Variants in TXNDC16 observed in about 807,000 individuals in gnomAD.
The protein encoded by TXNDC16 is thioredoxin domain-containing protein 16.
Under a neutral mutation model 85.6 loss-of-function variants are expected in TXNDC16, and 74 were observed. That is an observed-to-expected ratio of 0.86 (90% CI 0.72 to 1.05). The LOEUF is 1.05. TXNDC16 is among the 50% of genes least tolerant of loss of function. The pLI, the probability that TXNDC16 is intolerant of heterozygous loss-of-function variation, is 0.00. For synonymous variants in TXNDC16, 335 were observed against 326.5 expected (o/e 1.03, Z -0.28); for missense variants, 959 against 947.0 (o/e 1.01, Z -0.17).
intron 6 of TXNDC16, among the ~76,000 whole-genome samples, chr14:52,526,308 C>T (rs2037333897): frequency 6.6e-6 from 1 of 152,080 alleles, no homozygotes; most frequent in African/African-American, 2.4e-5. Flanking sequence ...ACAAAAGGTA[C>T]CAAAAAAGTT....
At chr14:52,532,163 T>C (rs2037595483) in intron 6 of TXNDC16, among the ~76,000 whole-genome samples, 2 of 152,108 alleles carry the variant, frequency 1.3e-5, no homozygotes, top group African/African-American at 2.4e-5. Context: ...GAAAAATTTT[T>C]ACAGTTTGTG....
At chr14:52,483,097 G>T in intron 12 of TXNDC16, 132 bp from the exon 13 acceptor site, 1 of 679,990 alleles carries the variant, frequency 1.5e-6, no homozygotes, top group South Asian at 3.1e-5. Context: ...TTAATAGTTA[G>T]GATGCATGAT....
At chr14:52,497,671 G>C (rs1950467000) in intron 9 of TXNDC16, among the ~76,000 whole-genome samples, 3 of 152,170 alleles carry the variant, frequency 2.0e-5, no homozygotes, top group African/African-American at 4.8e-5. Context: ...CCTGAGCTCA[G>C]GAGTTCGAGA....
chr14:52,501,202 G>A (rs1435057208), intron 9 of TXNDC16, among the ~76,000 whole-genome samples: 1 of 151,986 alleles, frequency 6.6e-6, no homozygotes, highest in African/African-American at 2.4e-5. Context: ...CCCATCGTGA[G>A]TATAAGACAT....
At chr14:52,509,305 C>T (rs1476556801) in intron 9 of TXNDC16, among the ~76,000 whole-genome samples, 1 of 151,968 alleles carries the variant, frequency 6.6e-6, no homozygotes, top group African/African-American at 2.4e-5. Context: ...AGGACAAAAT[C>T]CTGAGAATTC....
intron 14 of TXNDC16, among the ~76,000 whole-genome samples, chr14:52,474,986 G>A (rs2035987966): frequency 6.6e-6 from 1 of 152,164 alleles, no homozygotes; most frequent in Non-Finnish European, 1.5e-5. Context: ...AATACTGTGA[G>A]TGCTCAAACT....
chr14:52,504,977 C>T (rs1349476023), intron 9 of TXNDC16, among the ~76,000 whole-genome samples: 1 of 152,078 alleles, frequency 6.6e-6, no homozygotes, highest in Non-Finnish European at 1.5e-5. Context: ...ACAAAGAAGG[C>T]CATTACATAA....
chr14:52,521,569 C>T (rs551998721), intron 6 of TXNDC16, among the ~76,000 whole-genome samples: 1 of 152,066 alleles, frequency 6.6e-6, no homozygotes, highest in Non-Finnish European at 1.5e-5. Flanking sequence ...AGTGAAAAAG[C>T]CAAATAATGC....
In TXNDC16 at chr14:52,439,310, C is replaced by G; in HGVS notation, c.2088G>C (p.Leu696=). 1.2e-6 allele frequency: 2 copies of G among 1,614,052 alleles called. No individual in the cohort carries two copies. The highest frequency in any genetic ancestry group is 1.1e-5 in the South Asian group (1 of 91,076). ...PPLPLLVLVN[L]HSGGQVFAFP... Reference sequence around the variant, plus strand: ...ATGCAAATACTTGGCCACCTGAATGCAGATTCACCAAAACAAGAAGAGGAA... The same window carrying G: ...ATGCAAATACTTGGCCACCTGAATGGAGATTCACCAAAACAAGAAGAGGAA... Residue 696 remains leucine (L), a synonymous_variant, in exon 20 of 21, where the codon CTG becomes CTC. Transcript: ENST00000281741.
intron 18 of TXNDC16, among the ~76,000 whole-genome samples, chr14:52,447,068 C>T (rs1032138437): frequency 5.3e-5 from 8 of 152,004 alleles, no homozygotes; most frequent in African/African-American, 1.9e-4. Flanking sequence ...TAGGTACCAG[C>T]TCTGCCAGAG....
rs1353340830 is a variant in TXNDC16, at chr14:52,543,625, C to CA, written c.-69dup. ...CACTGCTGTGTTCTGTTTCCTAAGACAACACCTGGCACAGAGAAGGTATTC... is the reference window on the plus strand; with the variant it reads ...CACTGCTGTGTTCTGTTTCCTAAGACAAACACCTGGCACAGAGAAGGTATTC... On this transcript the variant is annotated 5_prime_UTR_variant, in exon 3 of 21. It removes the in-frame stop codon of an upstream open reading frame in the 5' UTR. Transcript: ENST00000281741. The CA allele has an allele frequency of 1.3e-6, 2 of 1,541,992 alleles. No homozygotes were observed. Among genetic ancestry groups the CA allele is most frequent in the African/African-American group, 1.4e-5 (1 of 71,992 alleles).
chr14:52,545,109 C>A (rs1364538197), intron 1 of TXNDC16, among the ~76,000 whole-genome samples: 1 of 152,094 alleles, frequency 6.6e-6, no homozygotes, highest in Non-Finnish European at 1.5e-5. Flanking sequence ...TTAAACTGTA[C>A]AACATGAAAA....
chr14:52,521,898 C>T (rs1406643484), intron 6 of TXNDC16, among the ~76,000 whole-genome samples: 1 of 152,210 alleles, frequency 6.6e-6, no homozygotes, highest in Non-Finnish European at 1.5e-5. Context: ...AATCATACTT[C>T]TAGTTGCTGG....
chr14:52,531,544 G>C (rs1028722590), intron 6 of TXNDC16, among the ~76,000 whole-genome samples: 10 of 152,100 alleles, frequency 6.6e-5, no homozygotes, highest in African/African-American at 1.9e-4. Flanking sequence ...ATATTACTAA[G>C]TGCAAGAAGC....
chr14:52,439,836 A>C (rs969157968), intron 19 of TXNDC16, among the ~76,000 whole-genome samples: 3 of 152,218 alleles, frequency 2.0e-5, no homozygotes, highest in Non-Finnish European at 1.5e-5. Flanking sequence ...AAAAGGCATT[A>C]ATTTCAAATT....
At chr14:52,530,086 G>T (rs2037465327) in intron 6 of TXNDC16, among the ~76,000 whole-genome samples, 14 of 72,448 alleles carry the variant, frequency 1.9e-4, no homozygotes, top group Admixed American at 5.2e-4. Context: ...TTTATATTAT[G>T]CATTTATATA....
intron 8 of TXNDC16, among the ~76,000 whole-genome samples, chr14:52,512,411 A>T (rs1469231022): frequency 6.6e-6 from 1 of 152,192 alleles, no homozygotes; most frequent in Non-Finnish European, 1.5e-5. Context: ...GCAGAGCTTA[A>T]AAAACAAAAA....
At position 52,457,101 on chromosome 14, in the gene TXNDC16, ATCT is replaced by A; in HGVS notation, c.1689_1691del (p.Glu563del). The A allele has an allele frequency of 2.5e-6, 4 of 1,580,758 alleles. No individual in the cohort carries two copies. Among genetic ancestry groups the A allele is most frequent in the Non-Finnish European group, 3.4e-6 (4 of 1,167,002 alleles). ...AGCAATAAACTTACAGTAGCAAAAC[ATCT>A]TCTTCAGAATAAATTCCAGTGATAA... On this transcript the variant is annotated inframe_deletion, in exon 17 of 21. Coordinates refer to ENST00000281741, the MANE Select transcript of TXNDC16 (RefSeq NM_020784.3).
chr14:52,548,669 G>A (rs1271594902), intron 1 of TXNDC16, among the ~76,000 whole-genome samples: 2 of 152,046 alleles, frequency 1.3e-5, no homozygotes, highest in African/African-American at 4.8e-5. Flanking sequence ...ATCACCTGAG[G>A]TCAGGAGTTC....
Sources: allele counts gnomAD v4.1 joint callset (sites outside exome capture counted in the v4.1 genomes callset), GRCh38; gene constraint gnomAD v4.1.1; transcripts MANE v1.5; gene names NCBI Gene and HGNC (gene_info 2026-07-23, HGNC 2026-07-21).